The following NID1 variants were observed in gnomAD, a reference collection of about 807,000 sequenced individuals.
NID1 encodes nidogen 1.
NID1 carries 76 observed loss-of-function variants against 130.6 expected under a neutral mutation model. The ratio of observed to expected loss-of-function variants is 0.58; its 90% CI spans 0.48 to 0.70. The LOEUF (loss-of-function observed/expected upper bound fraction) is 0.70, where lower values mean the gene tolerates loss of function less well. Ranked by LOEUF, NID1 falls within the 30% of genes least tolerant of loss-of-function variation. The probability of loss-of-function intolerance (pLI) is 0.00; values close to 1 mark genes in which losing one functional copy is unlikely to be tolerated. For missense variants in NID1, 1,517 were observed against 1,664.8 expected (o/e 0.91, Z 1.54); for synonymous variants, 665 against 675.1 (o/e 0.98, Z 0.23).
chr1:235,989,720 C>T (rs1657674731), intron 14 of NID1, among the ~76,000 whole-genome samples: 1 of 152,216 alleles, frequency 6.6e-6, no homozygotes, highest in Admixed American at 6.5e-5. Flanking sequence ...GCTGTCTGGA[C>T]AGGGGGATCA....
At chr1:236,046,983 C>T (rs561434998) in intron 2 of NID1, among the ~76,000 whole-genome samples, 24 of 152,294 alleles carry the variant, frequency 1.6e-4, no homozygotes, top group African/African-American at 5.3e-4. Flanking sequence ...TGGTGGCTCA[C>T]GCCCTTAGTC....
At chr1:236,002,031 AGGCGCCCTGCAAG>A (rs2102808364) in intron 12 of NID1, among the ~76,000 whole-genome samples, 1 of 152,370 alleles carries the variant, frequency 6.6e-6, no homozygotes, top group African/African-American at 2.4e-5. Flanking sequence ...GCCATCAGCC[AGGCGCCCTGCAAG>A]GGCTAAATAG....
At chr1:236,061,801 A>T (rs1413221145) in intron 1 of NID1, among the ~76,000 whole-genome samples, 4 of 152,196 alleles carry the variant, frequency 2.6e-5, no homozygotes, top group African/African-American at 9.6e-5. Flanking sequence ...GAAGAAACAC[A>T]AACGGCCAAT....
chr1:236,026,995 C>T (rs1251256656), intron 7 of NID1, among the ~76,000 whole-genome samples: 1 of 151,102 alleles, frequency 6.6e-6, no homozygotes, highest in Non-Finnish European at 1.5e-5. Flanking sequence ...CCTGCCTCGG[C>T]CTCCCAAAGT....
At chr1:236,040,069 G>A (rs1659404890) in intron 4 of NID1, among the ~76,000 whole-genome samples, 1 of 152,194 alleles carries the variant, frequency 6.6e-6, no homozygotes, top group South Asian at 2.1e-4. Flanking sequence ...GCCCCAAGTT[G>A]TTGGGCTGGA....
At chr1:235,999,470 G>C (rs1049538284) in intron 12 of NID1, among the ~76,000 whole-genome samples, 1 of 152,140 alleles carries the variant, frequency 6.6e-6, no homozygotes, top group Non-Finnish European at 1.5e-5. Flanking sequence ...CAGCCCAGGG[G>C]CTCTAGGGAG....
rs781693449 is a variant in NID1, at chr1:236,048,768, A to G, written c.447T>C (p.Pro149=). 2.3e-5 allele frequency: 37 copies of G among 1,613,666 alleles called. No homozygotes were observed. Among genetic ancestry groups the G allele is most frequent in the Middle Eastern group, 1.7e-4 (1 of 5,828 alleles). ...CCCAAGTGACAACCACCGCGCTACTAGGCTGGAAAGAGATCTCCGGGAACC... is the reference window on the plus strand; with the variant it reads ...CCCAAGTGACAACCACCGCGCTACTGGGCTGGAAAGAGATCTCCGGGAACC... The part of the protein sequence containing the change: ...HRGFPEISFQ[P]SSAVVVTWES... Residue 149 remains proline, a synonymous_variant, in exon 2 of 20, where the codon CCT becomes CCC. Transcript: ENST00000264187.
intron 14 of NID1, among the ~76,000 whole-genome samples, chr1:235,987,540 A>G (rs1657608973): frequency 6.6e-6 from 1 of 152,224 alleles, no homozygotes; most frequent in Non-Finnish European, 1.5e-5. Context: ...TTGATCAGAC[A>G]GTGAGGAGTT....
chr1:236,006,466 AGT>A (rs1658251643), intron 12 of NID1, among the ~76,000 whole-genome samples: 1 of 152,176 alleles, frequency 6.6e-6, no homozygotes, highest in Admixed American at 6.5e-5. Flanking sequence ...AGGACAAAGG[AGT>A]GTGTAGTGCT....
Position 236,042,309 on chromosome 1 carries a change from GCTT to G in NID1, c.753-20_753-18del. 6.3e-7 allele frequency: 1 copy of G among 1,592,214 alleles called. No homozygotes were observed. Among genetic ancestry groups the G allele is most frequent in the Non-Finnish European group, 8.5e-7 (1 of 1,174,954 alleles). ...TTACTACTCCTAGGAGGAAGGACAG[GCTT>G]CTTAGAAACAGGCCAGCAACCCACC... On this transcript the variant is annotated intron_variant, in intron 3 of 19. Coordinates refer to ENST00000264187, the MANE Select transcript of NID1 (RefSeq NM_002508.3).
chr1:236,030,013 G>A (rs1025255613), intron 6 of NID1, among the ~76,000 whole-genome samples: 17 of 152,262 alleles, frequency 1.1e-4, no homozygotes, highest in South Asian at 6.2e-4. Context: ...TGGAAATAGC[G>A]GAGGACAGGG....
chr1:236,048,659 T>C, intron 2 of NID1, 31 bp downstream of exon 2: 1 of 1,598,922 alleles, frequency 6.3e-7, no homozygotes, highest in South Asian at 1.1e-5. Context: ...TGTGTCTGAT[T>C]ACCTGCACTT....
At chr1:235,984,184 T>G (rs1302613887) in intron 15 of NID1, among the ~76,000 whole-genome samples, 1 of 152,232 alleles carries the variant, frequency 6.6e-6, no homozygotes. Context: ...CCACTGGGTT[T>G]TAAAATGAAA....
Position 235,979,768 on chromosome 1 carries a change from G to T in NID1, c.3509+54C>A. 1.9e-6 allele frequency: 3 copies of T among 1,602,348 alleles called. No individual in the cohort carries two copies. Among genetic ancestry groups the T allele is most frequent in the East Asian group, 2.3e-5 (1 of 44,382 alleles). On this transcript the variant is annotated intron_variant, in intron 18 of 19. Coordinates refer to ENST00000264187, the MANE Select transcript of NID1 (RefSeq NM_002508.3). This position sits in a 1 kb window ranked among gnomAD's most constrained non-coding sequence, Gnocchi z 4.6. ...GATGGGAAGGGCCTGGCCTCCCAGA[G>T]ACAGTGGGTGGAGGGGCAGGCCCAC...
Position 235,990,923 on chromosome 1 carries a change from A to G in NID1, c.2891T>C (p.Met964Thr). The change falls in exon 14 of 20, where the codon ATG becomes ACG. Residue 964 changes from methionine (M) to threonine (T), a missense_variant. This residue lies in a region of NID1 where 1,329 missense variants were observed against 1,429.2 expected (regional missense o/e 0.93). Transcript: ENST00000264187. Reference protein sequence around the residue: ...IERLPLEGNTMRKTEAKAFLH... With the variant: ...IERLPLEGNTTRKTEAKAFLH... The stretch of plus-strand genomic sequence containing the variant: ...GAACGCCTTTGCTTCTGTCTTCCTC[A>G]TGGTATTTCCCTCCAGGGGCAGGCG... 1 of 1,614,092 alleles carries G rather than the reference A, an allele frequency of 6.2e-7. No homozygotes were observed. The highest frequency in any genetic ancestry group is 8.5e-7 in the Non-Finnish European group (1 of 1,180,024).
At chr1:236,038,411 G>A (rs1418769389) in intron 4 of NID1, among the ~76,000 whole-genome samples, 158 bp from the exon 5 acceptor site, 1 of 152,176 alleles carries the variant, frequency 6.6e-6, no homozygotes, top group East Asian at 1.9e-4. Flanking sequence ...TCCCCTACAG[G>A]TAGCCACTTA....
At chr1:235,994,700 C>CTTTTTTTTTT (rs11397466) in intron 12 of NID1, among the ~76,000 whole-genome samples, 1 of 142,130 alleles carries the variant, frequency 7.0e-6, no homozygotes. Context: ...TCTTCTTCTT[C>CTTTTTTTTTT]TTTTTTTTTT....
chr1:236,057,993 G>C (rs1369652651), intron 1 of NID1, among the ~76,000 whole-genome samples: 1 of 152,094 alleles, frequency 6.6e-6, no homozygotes, highest in East Asian at 1.9e-4. Context: ...CACGTTCCTT[G>C]CTGTATTGAT....
At chr1:236,050,079 T>C (rs1659723057) in intron 1 of NID1, among the ~76,000 whole-genome samples, 1 of 151,656 alleles carries the variant, frequency 6.6e-6, no homozygotes, top group South Asian at 2.1e-4. Context: ...CTAATATCTA[T>C]ATTTTTCTGA....
Sources: allele counts gnomAD v4.1 joint callset (sites outside exome capture counted in the v4.1 genomes callset), GRCh38; gene constraint gnomAD v4.1.1; regional missense constraint gnomAD v4.1.1; non-coding constraint Gnocchi (gnomAD v3.1); transcripts MANE v1.5; gene names NCBI Gene and HGNC (gene_info 2026-07-23, HGNC 2026-07-21).